AFF1: variants seen among roughly 807,000 people sequenced by gnomAD.
AFF1 encodes the protein ALF transcription elongation factor 1, also known as AF4/FMR2 family member 1.
AFF1 carries 48 observed loss-of-function variants against 121.7 expected under a neutral mutation model. The observed-to-expected ratio is 0.39, with a 90% CI of 0.31 to 0.50. The LOEUF is 0.50. Ranked by LOEUF, AFF1 falls within the 20% of genes least tolerant of loss-of-function variation. The probability of loss-of-function intolerance (pLI) is 0.76; values close to 1 mark genes in which losing one functional copy is unlikely to be tolerated. For missense variants in AFF1, 1,523 were observed against 1,511.7 expected (o/e 1.01, Z -0.12); for synonymous variants, 613 against 563.0 (o/e 1.09, Z -1.26).
chr4:86,960,509 AAG>A (rs1722073267), intron 2 of AFF1, among the ~76,000 whole-genome samples: 2 of 152,196 alleles, frequency 1.3e-5, no homozygotes, highest in Non-Finnish European at 2.9e-5. Flanking sequence ...CTCTTTGTAA[AAG>A]AAGTCCAAAG....
intron 2 of AFF1, among the ~76,000 whole-genome samples, chr4:87,013,671 T>TC (rs1385807287): frequency 6.6e-6 from 1 of 151,762 alleles, no homozygotes; most frequent in East Asian, 1.9e-4. Flanking sequence ...CTTACCTTTT[T>TC]TTTTTTTTTT....
At chr4:86,941,956 T>TC (rs1401860435) in intron 1 of AFF1, among the ~76,000 whole-genome samples, 1 of 151,962 alleles carries the variant, frequency 6.6e-6, no homozygotes, top group Non-Finnish European at 1.5e-5. Flanking sequence ...TTTTTTTTTT[T>TC]CCTTATAAAT....
At chr4:87,014,237 A>G (rs1380125866) in intron 2 of AFF1, among the ~76,000 whole-genome samples, 2 of 152,134 alleles carry the variant, frequency 1.3e-5, no homozygotes, top group Admixed American at 1.3e-4. Context: ...ACTTTTTTCC[A>G]TGCGTTGTGG....
chr4:87,030,573 C>T (rs143600111), intron 2 of AFF1, among the ~76,000 whole-genome samples: 1 of 152,234 alleles, frequency 6.6e-6, no homozygotes, highest in East Asian at 1.9e-4. Context: ...AAACACTGGT[C>T]TAAGCATGTC....
At chr4:87,102,336 G>A (rs6822184) in intron 8 of AFF1, among the ~76,000 whole-genome samples, 7,906 of 152,142 alleles carry the variant, frequency 0.052, 707 homozygotes, top group African/African-American at 0.18. Flanking sequence ...CTTCATAAGG[G>A]AAACATAACA....
intron 5 of AFF1, among the ~76,000 whole-genome samples, chr4:87,088,746 C>T (rs1489779914): frequency 2.0e-5 from 3 of 150,972 alleles, no homozygotes; most frequent in Non-Finnish European, 4.4e-5. Context: ...AGGCATGTAC[C>T]ACCATGCCCG....
chr4:86,959,682 A>G (rs1341343564), intron 2 of AFF1, among the ~76,000 whole-genome samples: 4 of 152,146 alleles, frequency 2.6e-5, no homozygotes, highest in African/African-American at 2.4e-5. Context: ...ACGTTAGGCC[A>G]CTTGGGTTTT....
In AFF1 at chr4:87,135,900, T is replaced by C. The variant is rs946010830; in HGVS notation, c.*199T>C. The stretch of plus-strand genomic sequence containing the variant: ...CACTGTGGTTATGCAGAAGCAGAGA[T>C]GAGGAGGCTGGCCCCAGAGATGATC... On this transcript the variant is annotated 3_prime_UTR_variant, in exon 21 of 21. Transcript: ENST00000395146. 6.4e-5 allele frequency: 53 copies of C among 826,590 alleles called. No homozygotes were observed. Among genetic ancestry groups the C allele is most frequent in the Non-Finnish European group, 8.8e-5 (52 of 591,194 alleles). 51.2% of individuals were successfully genotyped at this position (826,590 alleles called of 1,614,324 possible).
intron 2 of AFF1, among the ~76,000 whole-genome samples, chr4:87,030,716 T>C (rs141418519): frequency 1.7e-3 from 260 of 152,188 alleles, no homozygotes; most frequent in African/African-American, 6.0e-3. Flanking sequence ...CAGAATGATA[T>C]GTGGAAGTCT....
At chr4:87,109,324 A>G (rs1026767389) in intron 11 of AFF1, among the ~76,000 whole-genome samples, 1 of 152,184 alleles carries the variant, frequency 6.6e-6, no homozygotes, top group Admixed American at 6.5e-5. Context: ...TCTGAGGGTG[A>G]GGGAGGCTGA....
At chr4:86,980,140 G>C in intron 2 of AFF1, among the ~76,000 whole-genome samples, 1 of 152,160 alleles carries the variant, frequency 6.6e-6, no homozygotes, top group East Asian at 1.9e-4. Context: ...TGAACTCCTG[G>C]CCTCCAGTGA....
At chr4:87,064,129 G>A (rs1721094176) in intron 4 of AFF1, among the ~76,000 whole-genome samples, 2 of 152,224 alleles carry the variant, frequency 1.3e-5, no homozygotes, top group African/African-American at 4.8e-5. Flanking sequence ...ATGGGGCAAG[G>A]GCTAGTGTGT....
intron 12 of AFF1, among the ~76,000 whole-genome samples, chr4:87,119,512 A>G (rs1340000466): frequency 6.6e-6 from 1 of 152,198 alleles, no homozygotes; most frequent in Non-Finnish European, 1.5e-5. Context: ...TAAAGGTTGC[A>G]GGGAGCTGTG....
At position 86,952,749 on chromosome 4, in the gene AFF1, C is replaced by T. The variant is rs1009361891; in HGVS notation, c.38+4178C>T. On this transcript the variant is annotated intron_variant, in intron 2 of 20. Coordinates refer to ENST00000395146, the MANE Select transcript of AFF1 (RefSeq NM_001166693.3). The stretch of plus-strand genomic sequence containing the variant: ...TGTCCCTCAGGCTGGAGTGCAGTGG[C>T]GTGATCTTGGCCCCTCTGCCTCCCG... 9.1e-5 allele frequency among the ~76,000 whole-genome samples: 13 copies of T among 142,422 alleles called. 1 individual carries two copies. The highest frequency in any genetic ancestry group is 7.8e-3 in the Middle Eastern group (2 of 256). 93.4% of individuals were successfully genotyped at this position (142,422 alleles called of 152,430 possible). A position where few individuals can be genotyped will look rare whatever the true frequency, so the allele number is the denominator to read the frequency against.
At chr4:87,053,150 G>A (rs1448285191) in intron 4 of AFF1, among the ~76,000 whole-genome samples, 2 of 152,190 alleles carry the variant, frequency 1.3e-5, no homozygotes, top group Non-Finnish European at 2.9e-5. Flanking sequence ...CCGAGCATGT[G>A]TACCTAAGAA....
chr4:87,127,110 T>C lies in AFF1; in HGVS notation c.2896T>C (p.Phe966Leu), dbSNP rs1232288824. ...TAAACCAGGGAAGCCTCAAGTGAAG[T>C]TTGACAAGTAAGACTTCAGATGATT... ...NSKPGKPQVK[F>L]DKQQADLHMR... The change falls in exon 15 of 21, where the codon TTT becomes CTT. Residue 966 changes from phenylalanine (F) to leucine (L), a missense_variant. Coordinates refer to ENST00000395146, the MANE Select transcript of AFF1 (RefSeq NM_001166693.3). The C allele has an allele frequency of 6.2e-7, 1 of 1,612,976 alleles. No homozygotes were observed. Among genetic ancestry groups the C allele is most frequent in the Non-Finnish European group, 8.5e-7 (1 of 1,179,214 alleles).
chr4:86,948,424 T>C, intron 1 of AFF1, 74 bp from the exon 2 acceptor site: 1 of 971,740 alleles, frequency 1.0e-6, no homozygotes, highest in Non-Finnish European at 1.5e-6. Context: ...CAATAAAGCT[T>C]CTTACAGGTC....
chr4:87,024,087 T>C (rs1011652051), intron 2 of AFF1, among the ~76,000 whole-genome samples: 3 of 152,244 alleles, frequency 2.0e-5, no homozygotes, highest in African/African-American at 7.2e-5. Flanking sequence ...ATGGTATCAT[T>C]TAATCTGCAA....
intron 4 of AFF1, among the ~76,000 whole-genome samples, chr4:87,063,746 A>G (rs1468018417): frequency 1.3e-5 from 2 of 152,134 alleles, no homozygotes; most frequent in Non-Finnish European, 2.9e-5. Context: ...TAAATGGGAT[A>G]TGTTTGCCTG....
Sources: gnomAD v4.1 joint callset for allele counts (sites outside exome capture counted in the v4.1 genomes callset) on GRCh38, gnomAD v4.1.1 for gene constraint, MANE v1.5 for transcripts, NCBI Gene and HGNC (gene_info 2026-07-23, HGNC 2026-07-21) for gene names.